The following BTRC variants were observed in gnomAD, a reference collection of about 807,000 sequenced individuals.
BTRC encodes the protein beta-transducin repeat containing E3 ubiquitin protein ligase.
BTRC carries 42 observed loss-of-function variants against 85.5 expected under a neutral mutation model. That is an observed-to-expected ratio of 0.49 (90% CI 0.38 to 0.64). The LOEUF (loss-of-function observed/expected upper bound fraction) is 0.64. BTRC is among the 30% of genes least tolerant of loss of function. The pLI is 0.00. For missense variants in BTRC, 594 were observed against 743.5 expected, an observed-to-expected ratio of 0.80 and a Z score of 2.34; for synonymous variants, 255 against 263.3, an observed-to-expected ratio of 0.97 and a Z score of 0.30.
chr10:101,422,843 C>G (rs10159713), intron 1 of BTRC, among the ~76,000 whole-genome samples: 54,503 of 151,900 alleles, frequency 0.36, 10,928 homozygotes, highest in Middle Eastern at 0.48. Context: ...TGTTTTGGTA[C>G]CAGTACCATG....
intron 8 of BTRC, 124 bp downstream of exon 8, chr10:101,532,556 C>A: frequency 7.7e-7 from 1 of 1,303,884 alleles, no homozygotes; most frequent in Non-Finnish European, 1.0e-6. Context: ...TAGATTGTTT[C>A]CAGTCCCAAA....
intron 1 of BTRC, among the ~76,000 whole-genome samples, chr10:101,398,183 G>A (rs1943410373): frequency 6.6e-6 from 1 of 152,146 alleles, no homozygotes; most frequent in Non-Finnish European, 1.5e-5. Context: ...TGGTTTAAGA[G>A]CAGTTTATAT....
intron 5 of BTRC, among the ~76,000 whole-genome samples, chr10:101,524,090 T>C (rs970473368): frequency 1.5e-4 from 23 of 152,174 alleles, no homozygotes; most frequent in Non-Finnish European, 3.4e-4. Flanking sequence ...CAATTATACC[T>C]TTTTAAAATT....
chr10:101,531,414 GC>G, intron 7 of BTRC, 81 bp downstream of exon 7: 1 of 1,100,456 alleles, frequency 9.1e-7, no homozygotes, highest in Non-Finnish European at 1.3e-6. Flanking sequence ...GTTACAGCAA[GC>G]CCATTAAGGT....
chr10:101,466,012 T>A (rs1203297939), intron 3 of BTRC, among the ~76,000 whole-genome samples: 1 of 152,212 alleles, frequency 6.6e-6, no homozygotes, highest in Admixed American at 6.5e-5. Flanking sequence ...TTTTCCTACC[T>A]TTTATTCCTA....
chr10:101,529,512 CT>C (rs1303669113), intron 6 of BTRC, among the ~76,000 whole-genome samples: 2 of 152,168 alleles, frequency 1.3e-5, no homozygotes, highest in Non-Finnish European at 2.9e-5. Context: ...CATTCAAAAT[CT>C]ATTATTTGCC....
intron 3 of BTRC, among the ~76,000 whole-genome samples, chr10:101,468,545 C>T (rs2134190452): frequency 6.6e-6 from 1 of 152,128 alleles, no homozygotes; most frequent in Admixed American, 6.5e-5. Context: ...ATTTTTAAAA[C>T]CCACTTCCAG....
intron 1 of BTRC, among the ~76,000 whole-genome samples, chr10:101,400,740 A>G (rs899055646): frequency 6.6e-6 from 1 of 152,254 alleles, no homozygotes; most frequent in Non-Finnish European, 1.5e-5. Flanking sequence ...AGCAACTGCT[A>G]TGAACAAACA....
At chr10:101,509,466 G>A (rs1946637030) in intron 4 of BTRC, among the ~76,000 whole-genome samples, 1 of 149,016 alleles carries the variant, frequency 6.7e-6, no homozygotes, top group Admixed American at 6.7e-5. Flanking sequence ...GTTTTAGCCG[G>A]GATGGTCTCG....
Position 101,556,778 on chromosome 10 carries a change from T to A in BTRC, c.*3655T>A, listed in dbSNP as rs2062728835. 6.6e-6 allele frequency: 1 copy of A among 152,244 alleles called. No individual in the cohort carries two copies. Among genetic ancestry groups the A allele is most frequent in the Non-Finnish European group, 1.5e-5 (1 of 68,040 alleles). 9.4% of individuals were successfully genotyped at this position (152,244 alleles called of 1,614,324 possible). A position where few individuals can be genotyped will look rare whatever the true frequency, so the allele number is the denominator to read the frequency against. Reference sequence around the variant, plus strand: ...CTTTAGAAGCTCCTTCTGTTGGAAGTTGAGTACCTGTGATCTAAAATGTCC... The same window carrying A: ...CTTTAGAAGCTCCTTCTGTTGGAAGATGAGTACCTGTGATCTAAAATGTCC... On this transcript the variant is annotated 3_prime_UTR_variant, in exon 15 of 15. Coordinates refer to ENST00000370187, the MANE Select transcript of BTRC (RefSeq NM_033637.4).
chr10:101,442,262 A>ATCTCTCTCTCTCTCTC (rs10531761), intron 2 of BTRC, among the ~76,000 whole-genome samples: 7,389 of 125,940 alleles, frequency 0.059, 249 homozygotes, highest in Non-Finnish European at 0.087. Flanking sequence ...TTGAATTAGA[A>ATCTCTCTCTCTCTCTC]TCTCTCTCTC....
chr10:101,541,326 C>G (rs2062464216), intron 13 of BTRC, among the ~76,000 whole-genome samples: 1 of 151,340 alleles, frequency 6.6e-6, no homozygotes, highest in Non-Finnish European at 1.5e-5. Context: ...GTGGCGCGAT[C>G]TCAGCGCACT....
intron 1 of BTRC, 125 bp from the exon 2 acceptor site, chr10:101,430,220 A>C: frequency 3.7e-6 from 2 of 543,422 alleles, no homozygotes; most frequent in Non-Finnish European, 6.4e-6. Flanking sequence ...TGTTTCTTAA[A>C]GATGTTTCTA....
intron 4 of BTRC, among the ~76,000 whole-genome samples, chr10:101,502,698 C>T (rs1303892473): frequency 6.6e-6 from 1 of 152,168 alleles, no homozygotes; most frequent in East Asian, 1.9e-4. Flanking sequence ...CATTTTACCA[C>T]TGTACTCACA....
chr10:101,474,861 G>A (rs954103257), intron 3 of BTRC, among the ~76,000 whole-genome samples: 1 of 152,164 alleles, frequency 6.6e-6, no homozygotes, highest in Non-Finnish European at 1.5e-5. Context: ...GATCTCCAGT[G>A]CCTTTATGTA....
intron 2 of BTRC, among the ~76,000 whole-genome samples, chr10:101,446,294 A>G (rs1008262418): frequency 6.6e-6 from 1 of 151,976 alleles, no homozygotes; most frequent in Non-Finnish European, 1.5e-5. Context: ...TTTGTCCCTC[A>G]CATCCTGTGT....
intron 4 of BTRC, among the ~76,000 whole-genome samples, chr10:101,508,641 G>A (rs1409697476): frequency 6.6e-6 from 1 of 152,160 alleles, no homozygotes; most frequent in Non-Finnish European, 1.5e-5. Flanking sequence ...TAGGCTGGGC[G>A]TGGTGGCTCA....
Position 101,526,000 on chromosome 10 carries a change from C to T in BTRC, c.557-13C>T, listed in dbSNP as rs1419294409. On this transcript the variant is annotated splice_polypyrimidine_tract_variant and intron_variant, in intron 5 of 14. Transcript: ENST00000370187. ...CTGTGTTCTTTTTCTTTGCCTCCTCCCCCTACTGAAAGCTCGGGGATTGGA... is the reference window on the plus strand; with the variant it reads ...CTGTGTTCTTTTTCTTTGCCTCCTCTCCCTACTGAAAGCTCGGGGATTGGA... 1 of 1,610,890 alleles carries T rather than the reference C, an allele frequency of 6.2e-7. No homozygotes were observed. Among genetic ancestry groups the T allele is most frequent in the East Asian group, 2.2e-5 (1 of 44,818 alleles).
intron 9 of BTRC, among the ~76,000 whole-genome samples, chr10:101,534,422 A>G (rs2062353002): frequency 6.6e-6 from 1 of 152,136 alleles, no homozygotes; most frequent in African/African-American, 2.4e-5. Flanking sequence ...ACAGTCTTCA[A>G]GTCTGGGCCA....
Sources: gnomAD v4.1 joint callset for allele counts (sites outside exome capture counted in the v4.1 genomes callset) on GRCh38, gnomAD v4.1.1 for gene constraint, MANE v1.5 for transcripts, NCBI Gene and HGNC (gene_info 2026-07-23, HGNC 2026-07-21) for gene names.